The following TENM2 variants were observed in gnomAD, a reference collection of about 807,000 sequenced individuals.
TENM2 encodes the protein teneurin-2.
A neutral mutation model predicts 245.2 loss-of-function variants in TENM2; 52 were observed. That is an observed-to-expected ratio of 0.21 (90% confidence interval 0.17 to 0.27). The LOEUF (loss-of-function observed/expected upper bound fraction) is 0.27, where lower values mean the gene tolerates loss of function less well. TENM2 is among the 10% of genes least tolerant of loss of function. The pLI is 1.00. For synonymous variants in TENM2, 1,363 were observed against 1,438.9 expected, an observed-to-expected ratio of 0.95 and a Z score of 1.19; for missense variants, 3,046 against 3,666.8, an observed-to-expected ratio of 0.83 and a Z score of 4.37.
At chr5:167,869,040 C>G (rs568766955) in intron 2 of TENM2, among the ~76,000 whole-genome samples, 1 of 152,140 alleles carries the variant, frequency 6.6e-6, no homozygotes, top group Non-Finnish European at 1.5e-5. Context: ...CTGAGTTGCT[C>G]AAACTCCCAA....
At chr5:167,637,200 T>C (rs1388363301) in intron 2 of TENM2, among the ~76,000 whole-genome samples, 4 of 152,222 alleles carry the variant, frequency 2.6e-5, no homozygotes, top group Non-Finnish European at 1.5e-5. Context: ...TTGCTGTTGC[T>C]ATCTGTATTT....
intron 4 of TENM2, among the ~76,000 whole-genome samples, chr5:167,963,107 T>A (rs989518881): frequency 6.6e-6 from 1 of 152,128 alleles, no homozygotes; most frequent in East Asian, 1.9e-4. Flanking sequence ...TTACAGAGAT[T>A]TTATAGTGGA....
intron 25 of TENM2, among the ~76,000 whole-genome samples, chr5:168,238,157 AAGAG>A (rs1164402441): frequency 0.02 from 1,383 of 69,924 alleles, 383 homozygotes; most frequent in African/African-American, 0.09. Context: ...GAAAGAAAGA[AAGAG>A]AGAGAGAGAG....
chr5:167,813,940 T>C (rs1354491556), intron 2 of TENM2, among the ~76,000 whole-genome samples: 1 of 152,118 alleles, frequency 6.6e-6, no homozygotes, highest in Non-Finnish European at 1.5e-5. Context: ...GACGGGAGCA[T>C]GGGCATCGTG....
intron 7 of TENM2, among the ~76,000 whole-genome samples, chr5:168,083,541 T>C (rs762371886): frequency 6.6e-6 from 1 of 152,232 alleles, no homozygotes; most frequent in Non-Finnish European, 1.5e-5. Flanking sequence ...CACTGGGAGC[T>C]GTAGACTGGA....
chr5:167,757,612 T>A (rs1206162283), intron 2 of TENM2, among the ~76,000 whole-genome samples: 1 of 152,146 alleles, frequency 6.6e-6, no homozygotes, highest in Non-Finnish European at 1.5e-5. Flanking sequence ...TGCCCAGTAA[T>A]GGGATTGCTG....
rs954062926 is a variant in TENM2 at position 168,025,169 on chromosome 5, C to CA, written c.1187-22250dup. On this transcript the variant is annotated intron_variant, in intron 5 of 28. Transcript: ENST00000518659. ...TGCAAATGGAAAACTACATGGTCTT[C>CA]AAAAAAAATGTATTGGGAGGTTCTG... Among the ~76,000 whole-genome samples the CA allele has an allele frequency of 1.3e-4, 20 of 151,780 alleles. No homozygotes were observed. In the East Asian group the frequency reaches 1.7e-3, roughly 13 times the overall value.
At chr5:167,123,033 C>T in the TENM2 span, among the ~76,000 whole-genome samples, 1 of 151,864 alleles carries the variant, frequency 6.6e-6, no homozygotes, top group African/African-American at 2.4e-5. Context: ...TGCAGTGGCT[C>T]ATACCTGTAA....
chr5:167,906,070 T>C (rs1316820633), intron 3 of TENM2, among the ~76,000 whole-genome samples: 1 of 152,188 alleles, frequency 6.6e-6, no homozygotes, highest in Non-Finnish European at 1.5e-5. Flanking sequence ...TTATTTGACA[T>C]AGCTCACACC....
intron 1 of TENM2, 42 bp from the exon 4 acceptor site, chr5:167,375,156 T>A (rs775867147): frequency 1.1e-4 from 165 of 1,532,128 alleles, no homozygotes; most frequent in Middle Eastern, 1.7e-4. Context: ...TTGTAAAGCA[T>A]CTCACAAATT....
At chr5:167,516,100 C>T (rs959846206) in intron 2 of TENM2, among the ~76,000 whole-genome samples, 4 of 151,774 alleles carry the variant, frequency 2.6e-5, no homozygotes, top group Admixed American at 6.6e-5. Flanking sequence ...AAAACTGTTG[C>T]GTATATAATA....
At chr5:167,417,169 G>T (rs1763212891) in intron 2 of TENM2, among the ~76,000 whole-genome samples, 1 of 152,120 alleles carries the variant, frequency 6.6e-6, no homozygotes, top group African/African-American at 2.4e-5. Context: ...TAATAGAAGG[G>T]TGTCTGTCAC....
intron 3 of TENM2, among the ~76,000 whole-genome samples, chr5:167,920,821 A>G (rs901906693): frequency 6.6e-6 from 1 of 152,222 alleles, no homozygotes; most frequent in African/African-American, 2.4e-5. Flanking sequence ...AACAGCCCAG[A>G]GGAGCAAGGG....
At chr5:167,465,555 C>T (rs920269950) in intron 2 of TENM2, among the ~76,000 whole-genome samples, 1 of 152,204 alleles carries the variant, frequency 6.6e-6, no homozygotes, top group Non-Finnish European at 1.5e-5. Flanking sequence ...CCGGGCCGGG[C>T]GCGGTGGCTC....
intron 3 of TENM2, 90 bp from the exon 6 acceptor site, chr5:167,952,498 C>A: frequency 9.1e-7 from 1 of 1,101,892 alleles, no homozygotes; most frequent in Non-Finnish European, 1.3e-6. Flanking sequence ...AGCTTAGAGA[C>A]TTTGGTTTGA....
chr5:167,088,585 C>A, the TENM2 span, among the ~76,000 whole-genome samples: 443 of 151,846 alleles, frequency 2.9e-3, no homozygotes, highest in Non-Finnish European at 4.2e-3. Flanking sequence ...AGAGATCGGG[C>A]CACTGCACTC....
chr5:167,742,520 A>G (rs1229945881), intron 2 of TENM2, among the ~76,000 whole-genome samples: 1 of 152,130 alleles, frequency 6.6e-6, no homozygotes, highest in Non-Finnish European at 1.5e-5. Context: ...AGCAGCTCCT[A>G]TCAGAAACCA....
intron 13 of TENM2, among the ~76,000 whole-genome samples, chr5:168,176,873 C>T (rs1420304995): frequency 2.0e-5 from 3 of 152,126 alleles, no homozygotes; most frequent in South Asian, 2.1e-4. Flanking sequence ...CACTATATAC[C>T]GCTGATATCG....
chr5:167,214,681 T>C, the TENM2 span, among the ~76,000 whole-genome samples: 1 of 152,220 alleles, frequency 6.6e-6, no homozygotes, highest in East Asian at 1.9e-4. Flanking sequence ...TTAGCAATGA[T>C]GGACCCTGGG....
Sources: allele counts gnomAD v4.1 joint callset (sites outside exome capture counted in the v4.1 genomes callset), GRCh38; gene constraint gnomAD v4.1.1; transcripts MANE v1.5; gene names NCBI Gene and HGNC (gene_info 2026-07-23, HGNC 2026-07-21).